Variants in GPC6 observed in about 807,000 individuals in gnomAD.
The protein encoded by GPC6 is glypican-6.
A neutral mutation model predicts 55.2 loss-of-function variants in GPC6; 14 were observed. The observed-to-expected ratio is 0.25, with a 90% CI of 0.17 to 0.40. GPC6 has a LOEUF of 0.40. Ranked by LOEUF, GPC6 falls within the 10% of genes least tolerant of loss-of-function variation. GPC6 has a pLI of 1.00. For missense variants in GPC6, 641 were observed against 708.5 expected (o/e 0.90, Z 1.08); for synonymous variants, 278 against 259.6 (o/e 1.07, Z -0.68).
chr13:93,433,325 T>C (rs1264593278), intron 1 of GPC6, among the ~76,000 whole-genome samples: 1 of 152,196 alleles, frequency 6.6e-6, no homozygotes, highest in Non-Finnish European at 1.5e-5. Context: ...GGCAGGTCTT[T>C]AGCCAGTCTG....
intron 3 of GPC6, among the ~76,000 whole-genome samples, chr13:93,898,748 G>A (rs1400069057): frequency 6.6e-6 from 1 of 151,722 alleles, no homozygotes; most frequent in African/African-American, 2.4e-5. Context: ...ATATGGCCAA[G>A]TTTTATGTAA....
intron 2 of GPC6, among the ~76,000 whole-genome samples, chr13:93,594,672 T>G (rs1282631479): frequency 1.3e-5 from 2 of 151,888 alleles, no homozygotes; most frequent in Non-Finnish European, 2.9e-5. Flanking sequence ...ATGCCATAAT[T>G]TGGGTAGTAT....
intron 2 of GPC6, among the ~76,000 whole-genome samples, chr13:93,710,317 A>T (rs1883009043): frequency 6.6e-6 from 1 of 151,856 alleles, no homozygotes; most frequent in African/African-American, 2.4e-5. Flanking sequence ...GTCATTTAAA[A>T]GGTAGCACCT....
At chr13:94,071,041 G>C (rs1022048763) in intron 4 of GPC6, among the ~76,000 whole-genome samples, 4 of 152,180 alleles carry the variant, frequency 2.6e-5, no homozygotes, top group African/African-American at 9.7e-5. Flanking sequence ...CATTGTAATT[G>C]ATTAATGATG....
At chr13:94,357,778 C>T (rs995065010) in intron 6 of GPC6, among the ~76,000 whole-genome samples, 1 of 152,190 alleles carries the variant, frequency 6.6e-6, no homozygotes, top group African/African-American at 2.4e-5. Flanking sequence ...AAAATACATA[C>T]TCTACACTCA....
At chr13:93,895,661 A>C (rs980147669) in intron 3 of GPC6, among the ~76,000 whole-genome samples, 3 of 152,008 alleles carry the variant, frequency 2.0e-5, no homozygotes, top group Non-Finnish European at 4.4e-5. Context: ...TGTTATTTTA[A>C]TGAAACTGCA....
At chr13:93,534,889 A>G (rs996064388) in intron 1 of GPC6, among the ~76,000 whole-genome samples, 5 of 152,008 alleles carry the variant, frequency 3.3e-5, no homozygotes, top group African/African-American at 9.7e-5. Flanking sequence ...AAAGGTGGGG[A>G]CCCAAGGAAC....
At chr13:93,525,499 C>T (rs1242979541) in intron 1 of GPC6, among the ~76,000 whole-genome samples, 1 of 152,142 alleles carries the variant, frequency 6.6e-6, no homozygotes, top group Non-Finnish European at 1.5e-5. Context: ...TACAGGTTCA[C>T]TCACCTCTGA....
At chr13:94,291,977 T>C (rs1277646615) in intron 5 of GPC6, among the ~76,000 whole-genome samples, 1 of 152,170 alleles carries the variant, frequency 6.6e-6, no homozygotes, top group Non-Finnish European at 1.5e-5. Context: ...GCAGTTACTA[T>C]TAGAAGTCAT....
chr13:93,978,542 A>G (rs1475638952), intron 3 of GPC6, among the ~76,000 whole-genome samples: 1 of 152,204 alleles, frequency 6.6e-6, no homozygotes, highest in African/African-American at 2.4e-5. Context: ...ATATGCATCT[A>G]CATCTACAGA....
intron 2 of GPC6, among the ~76,000 whole-genome samples, chr13:93,791,314 C>A (rs962407980): frequency 6.6e-6 from 1 of 152,126 alleles, no homozygotes; most frequent in African/African-American, 2.4e-5. Context: ...AACTGCAGTG[C>A]AAGAAATAAC....
chr13:93,252,637 C>T (rs928451291), intron 1 of GPC6, among the ~76,000 whole-genome samples: 1 of 152,066 alleles, frequency 6.6e-6, no homozygotes, highest in African/African-American at 2.4e-5. Context: ...CTTATATTTT[C>T]TTGTATCATT....
chr13:93,718,508 C>T (rs945256026), intron 2 of GPC6, among the ~76,000 whole-genome samples: 1 of 152,038 alleles, frequency 6.6e-6, no homozygotes, highest in South Asian at 2.1e-4. Flanking sequence ...GATATTAGCC[C>T]TTTGTCAGAT....
intron 3 of GPC6, among the ~76,000 whole-genome samples, chr13:93,874,774 T>C (rs558918987): frequency 7.9e-5 from 12 of 151,818 alleles, no homozygotes; most frequent in Non-Finnish European, 1.8e-4. Context: ...TCCTTCTTCA[T>C]ATCTCCTAGT....
chr13:93,745,501 G>C (rs1057365548), intron 2 of GPC6, among the ~76,000 whole-genome samples: 31 of 152,006 alleles, frequency 2.0e-4, no homozygotes, highest in Admixed American at 1.6e-3. Flanking sequence ...ACTTCTTACT[G>C]TTTCTATTAT....
chr13:93,672,635 G>A (rs1251629595), intron 2 of GPC6, among the ~76,000 whole-genome samples: 1 of 146,432 alleles, frequency 6.8e-6, no homozygotes, highest in African/African-American at 2.5e-5. Context: ...CATTCTCAGT[G>A]TCTGATATAT....
intron 2 of GPC6, among the ~76,000 whole-genome samples, chr13:93,579,271 G>C (rs2139485970): frequency 6.6e-6 from 1 of 152,160 alleles, no homozygotes; most frequent in South Asian, 2.1e-4. Flanking sequence ...ATAGAGAAAA[G>C]ATAAATATTG....
At chr13:93,233,347 A>G in intron 1 of GPC6, among the ~76,000 whole-genome samples, 1 of 141,546 alleles carries the variant, frequency 7.1e-6, no homozygotes, top group Non-Finnish European at 1.5e-5. Flanking sequence ...TAGTAGCCAA[A>G]AAAAAAAAAA....
intron 4 of GPC6, among the ~76,000 whole-genome samples, chr13:94,141,952 C>A (rs916481415): frequency 1.3e-5 from 2 of 152,002 alleles, no homozygotes; most frequent in African/African-American, 2.4e-5. Flanking sequence ...ACTTCCCTCC[C>A]TTGTTGGTGT....
Sources: allele counts gnomAD v4.1 joint callset (sites outside exome capture counted in the v4.1 genomes callset), GRCh38; gene constraint gnomAD v4.1.1; transcripts MANE v1.5; gene names NCBI Gene and HGNC (gene_info 2026-07-23, HGNC 2026-07-21).